Variants in ARFGEF1 observed in about 807,000 individuals in gnomAD.
ARFGEF1 encodes brefeldin A-inhibited guanine nucleotide-exchange protein 1.
ARFGEF1 carries 42 observed loss-of-function variants against 231.0 expected under a neutral mutation model. The ratio of observed to expected loss-of-function variants is 0.18; its 90% CI spans 0.14 to 0.24. The LOEUF (loss-of-function observed/expected upper bound fraction) is 0.24, where lower values mean the gene tolerates loss of function less well. Ranked by LOEUF, ARFGEF1 falls within the 10% of genes least tolerant of loss-of-function variation. The pLI, the probability that ARFGEF1 is intolerant of heterozygous loss-of-function variation, is 1.00. For synonymous variants in ARFGEF1, 710 were observed against 732.3 expected (o/e 0.97, Z 0.49); for missense variants, 1,345 against 2,192.0 (o/e 0.61, Z 7.72).
intron 1 of ARFGEF1, among the ~76,000 whole-genome samples, chr8:67,315,683 T>C (rs547256963): frequency 1.3e-5 from 2 of 152,140 alleles, no homozygotes; most frequent in Non-Finnish European, 2.9e-5. Context: ...GGAGAAAAAC[T>C]AATATTTCCA....
At chr8:67,176,369 T>C (rs1321216216) in intron 5 of ARFGEF1, among the ~76,000 whole-genome samples, 1 of 152,108 alleles carries the variant, frequency 6.6e-6, no homozygotes, top group Non-Finnish European at 1.5e-5. Flanking sequence ...CTTCATGAGA[T>C]AGCATCACAG....
chr8:67,226,575 G>C (rs1839380527), intron 27 of ARFGEF1, among the ~76,000 whole-genome samples: 1 of 152,080 alleles, frequency 6.6e-6, no homozygotes. Flanking sequence ...GAAGTGCTTA[G>C]TGTAATACTT....
At chr8:67,266,798 T>G in intron 13 of ARFGEF1, 78 bp downstream of exon 13, 1 of 1,100,324 alleles carries the variant, frequency 9.1e-7, no homozygotes, top group Admixed American at 2.5e-5. Flanking sequence ...GAAATTGGTT[T>G]AACAGCAGCT....
At chr8:67,236,408 ATATG>A (rs1839770985) in intron 22 of ARFGEF1, among the ~76,000 whole-genome samples, 4 of 105,538 alleles carry the variant, frequency 3.8e-5, no homozygotes, top group Non-Finnish European at 7.4e-5. Context: ...ATATATATAT[ATATG>A]TATCCACTGT....
chr8:67,319,990 G>T (rs1293475336), intron 1 of ARFGEF1, among the ~76,000 whole-genome samples: 1 of 151,992 alleles, frequency 6.6e-6, no homozygotes, highest in Non-Finnish European at 1.5e-5. Flanking sequence ...GGAGGCCGAG[G>T]CGGGTGGATC....
intron 1 of ARFGEF1, among the ~76,000 whole-genome samples, chr8:67,327,747 T>C (rs1807903758): frequency 6.6e-6 from 1 of 152,256 alleles, no homozygotes; most frequent in Non-Finnish European, 1.5e-5. Flanking sequence ...TTTCCCTGTA[T>C]ACCTACACAT....
chr8:67,235,155 A>T (rs1839685354), intron 22 of ARFGEF1, among the ~76,000 whole-genome samples: 2 of 149,636 alleles, frequency 1.3e-5, no homozygotes, highest in African/African-American at 4.9e-5. Flanking sequence ...ATTTAAATAT[A>T]ATTTAAAATC....
intron 1 of ARFGEF1, among the ~76,000 whole-genome samples, chr8:67,335,192 G>A (rs937361736): frequency 7.0e-6 from 1 of 143,478 alleles, no homozygotes; most frequent in Admixed American, 7.4e-5. Context: ...TGCAAGCTCC[G>A]CCTCCCGGGC....
downstream of ARFGEF1, chr8:67,193,538 T>G (rs376215036): frequency 4.2e-5 from 68 of 1,613,386 alleles, no homozygotes; most frequent in Admixed American, 1.0e-4. Flanking sequence ...TTGATGAGCT[T>G]AGAGTGAGAA....
rs561497729 is a variant in ARFGEF1 at position 67,236,813 on chromosome 8, T to A, written c.3289+1530A>T. ...TCATTTCTAGGCCTCAATGTGTGTA[T>A]CTTTCTGTAAATTCCCTTTTTCTGA... On this transcript the variant is annotated intron_variant, in intron 22 of 38. Transcript: ENST00000262215. 5.3e-5 allele frequency among the ~76,000 whole-genome samples: 8 copies of A among 152,322 alleles called. No homozygotes were observed. The South Asian group carries it at 1.7e-3, about 32-fold the overall frequency.
chr8:67,309,483 C>G (rs1380948811), intron 1 of ARFGEF1, among the ~76,000 whole-genome samples: 2 of 152,150 alleles, frequency 1.3e-5, no homozygotes, highest in African/African-American at 2.4e-5. Flanking sequence ...CCATCTTGTT[C>G]TTCTTTGCTA....
chr8:67,208,195 G>A (rs1838588747), intron 34 of ARFGEF1, among the ~76,000 whole-genome samples: 1 of 152,088 alleles, frequency 6.6e-6, no homozygotes, highest in African/African-American at 2.4e-5. Flanking sequence ...TCCTCTTTAA[G>A]AAATTAGCAA....
At chr8:67,303,757 TCTGG>T (rs1425695648) in intron 1 of ARFGEF1, among the ~76,000 whole-genome samples, 10 of 151,794 alleles carry the variant, frequency 6.6e-5, no homozygotes, top group African/African-American at 2.2e-4. Context: ...TATTGGGGAA[TCTGG>T]CTAATTGACT....
Position 67,217,861 on chromosome 8 carries a change from C to T in ARFGEF1, c.4534G>A (p.Gly1512Ser). The change falls in exon 32 of 39, where the codon GGT (glycine) becomes AGT (serine). Residue 1512 changes from glycine to serine, a missense_variant. Transcript: ENST00000262215. ...CAGATTTCTAGGGTAAATTTTTCAC[C>T]ATTCAGAATAACAACATTCTCTAAA... ...NCLENVVILN[G>S]EKFTLEIWDK... The T allele has an allele frequency of 6.2e-7, 1 of 1,613,984 alleles. No individual in the cohort carries two copies. The highest frequency in any genetic ancestry group is 8.5e-7 in the Non-Finnish European group (1 of 1,179,950).
At chr8:67,200,338 G>A (rs547130395) in intron 38 of ARFGEF1, 58 bp downstream of exon 38, 34 of 1,244,508 alleles carry the variant, frequency 2.7e-5, no homozygotes, top group Middle Eastern at 1.9e-4. Context: ...CTGGGACCCC[G>A]CATCCCAATG....
rs755472926 is a variant in ARFGEF1 at position 67,179,872 on chromosome 8, G to A, written c.561-4300C>T. The stretch of plus-strand genomic sequence containing the variant: ...AACATGTTTCTTTTAGCCCAGAGAT[G>A]ACACTAGTGATTTCTTGAAAAACTC... On this transcript the variant is annotated intron_variant, in intron 5 of 5. Coordinates refer to the ARFGEF1 transcript ENST00000518789. 34 of 1,595,518 alleles carry A rather than the reference G, an allele frequency of 2.1e-5. No homozygotes were observed. In the South Asian group the frequency reaches 3.8e-4, roughly 18 times the overall value.
At chr8:67,191,760 T>C (rs946949985) in intron 5 of ARFGEF1, among the ~76,000 whole-genome samples, 2 of 152,238 alleles carry the variant, frequency 1.3e-5, no homozygotes, top group African/African-American at 4.8e-5. Context: ...TACTCTCGAA[T>C]ATATATACCT....
intron 1 of ARFGEF1, among the ~76,000 whole-genome samples, chr8:67,303,436 C>T (rs1039790603): frequency 6.6e-6 from 1 of 152,104 alleles, no homozygotes. Flanking sequence ...ATTGGCTGAG[C>T]ACAGTGGCTC....
At chr8:67,338,814 G>A (rs1808465163) in intron 1 of ARFGEF1, among the ~76,000 whole-genome samples, 1 of 152,186 alleles carries the variant, frequency 6.6e-6, no homozygotes, top group South Asian at 2.1e-4. Flanking sequence ...ATCAAAGAAG[G>A]CTTAAACGGA....
Sources: gnomAD v4.1 joint callset for allele counts (sites outside exome capture counted in the v4.1 genomes callset) on GRCh38, gnomAD v4.1.1 for gene constraint, MANE v1.5 for transcripts, NCBI Gene and HGNC (gene_info 2026-07-23, HGNC 2026-07-21) for gene names.